The following LRRC4C variants were observed in gnomAD, a reference collection of about 807,000 sequenced individuals.
The protein encoded by LRRC4C is leucine rich repeat containing 4C, also known as leucine-rich repeat-containing protein 4C.
A neutral mutation model predicts 33.6 loss-of-function variants in LRRC4C; 5 were observed. That is an observed-to-expected ratio of 0.15 (90% CI 0.08 to 0.31). The LOEUF is 0.31. LRRC4C is among the 10% of genes least tolerant of loss of function. The pLI is 1.00. For synonymous variants in LRRC4C, 329 were observed against 302.0 expected, an observed-to-expected ratio of 1.09 and a Z score of -0.93; for missense variants, 560 against 796.7, an observed-to-expected ratio of 0.70 and a Z score of 3.58.
intron 1 of LRRC4C, among the ~76,000 whole-genome samples, chr11:41,254,386 T>A (rs534762582): frequency 6.6e-6 from 1 of 152,164 alleles, no homozygotes; most frequent in South Asian, 2.1e-4. Context: ...GAGAGAAACG[T>A]CTTCAAATTC....
chr11:40,362,490 C>A (rs1948002804), intron 3 of LRRC4C, among the ~76,000 whole-genome samples: 1 of 152,048 alleles, frequency 6.6e-6, no homozygotes. Context: ...GAGGCCAAGG[C>A]AGGTGGAACA....
At chr11:40,756,736 AT>A (rs879622919) in intron 2 of LRRC4C, among the ~76,000 whole-genome samples, 1 of 152,114 alleles carries the variant, frequency 6.6e-6, no homozygotes, top group Non-Finnish European at 1.5e-5. Flanking sequence ...TAAGCAATGC[AT>A]TTTCAAAACA....
intron 1 of LRRC4C, among the ~76,000 whole-genome samples, chr11:41,144,454 T>C (rs1474531627): frequency 6.6e-6 from 1 of 152,204 alleles, no homozygotes; most frequent in Non-Finnish European, 1.5e-5. Context: ...CTTAAAAACA[T>C]ACAAACATGT....
chr11:41,170,070 T>G (rs1372672383), intron 1 of LRRC4C, among the ~76,000 whole-genome samples: 1 of 152,128 alleles, frequency 6.6e-6, no homozygotes, highest in Non-Finnish European at 1.5e-5. Context: ...TCAAGCACTC[T>G]CATAACTTCA....
chr11:40,494,043 G>C (rs1402078308), intron 3 of LRRC4C, among the ~76,000 whole-genome samples: 1 of 151,980 alleles, frequency 6.6e-6, no homozygotes, highest in Non-Finnish European at 1.5e-5. Flanking sequence ...GCTAAGCCAC[G>C]GTGGCTTAGC....
chr11:40,432,574 T>A (rs1950977853), intron 3 of LRRC4C, among the ~76,000 whole-genome samples: 1 of 152,196 alleles, frequency 6.6e-6, no homozygotes, highest in African/African-American at 2.4e-5. Context: ...GCAGGCACTG[T>A]CCAAGGGCTG....
chr11:40,820,431 T>C (rs1387297799), intron 2 of LRRC4C, among the ~76,000 whole-genome samples: 3 of 151,690 alleles, frequency 2.0e-5, no homozygotes, highest in Non-Finnish European at 2.9e-5. Flanking sequence ...GAAAGAAAAA[T>C]CAGGAAATCT....
chr11:40,976,395 A>T (rs1331334074), intron 1 of LRRC4C, among the ~76,000 whole-genome samples: 2 of 152,214 alleles, frequency 1.3e-5, no homozygotes, highest in Non-Finnish European at 2.9e-5. Flanking sequence ...AAACAAGACC[A>T]TGGCTTGAGG....
intron 3 of LRRC4C, among the ~76,000 whole-genome samples, chr11:40,423,326 A>AGTTGTTCAT (rs1950588392): frequency 6.8e-6 from 1 of 147,530 alleles, no homozygotes; most frequent in African/African-American, 2.5e-5. Context: ...AAAGGAAGTC[A>AGTTGTTCAT]GTTGTTCATG....
At chr11:40,556,213 A>G (rs564216764) in intron 3 of LRRC4C, among the ~76,000 whole-genome samples, 2 of 152,236 alleles carry the variant, frequency 1.3e-5, no homozygotes, top group Admixed American at 6.5e-5. Flanking sequence ...GTTCTTTCGC[A>G]TAAGTAGTAT....
intron 3 of LRRC4C, among the ~76,000 whole-genome samples, chr11:40,599,182 C>T (rs1238132623): frequency 6.6e-6 from 1 of 152,058 alleles, no homozygotes; most frequent in East Asian, 1.9e-4. Flanking sequence ...GGCATGGTGA[C>T]TCATGTCTGT....
chr11:40,176,882 T>C (rs1394415335), intron 5 of LRRC4C, among the ~76,000 whole-genome samples: 1 of 151,680 alleles, frequency 6.6e-6, no homozygotes, highest in African/African-American at 2.4e-5. Context: ...ACTTATAATT[T>C]ATTATTTAAT....
chr11:40,672,196 T>C (rs868499762), intron 2 of LRRC4C, among the ~76,000 whole-genome samples: 1 of 152,178 alleles, frequency 6.6e-6, no homozygotes, highest in Non-Finnish European at 1.5e-5. Flanking sequence ...GCCAGATTTC[T>C]AGGTGTGTTT....
chr11:40,868,056 G>T (rs193268410), intron 2 of LRRC4C, among the ~76,000 whole-genome samples: 35 of 152,070 alleles, frequency 2.3e-4, no homozygotes, highest in African/African-American at 8.5e-4. Flanking sequence ...TTTTATACAC[G>T]TAGTACTTAG....
chr11:41,029,701 T>C (rs1856595515), intron 1 of LRRC4C, among the ~76,000 whole-genome samples: 1 of 151,810 alleles, frequency 6.6e-6, no homozygotes, highest in Non-Finnish European at 1.5e-5. Context: ...ACCTGGAGAT[T>C]AGAAGATAAA....
chr11:40,406,703 A>AT (rs953086817), intron 3 of LRRC4C, among the ~76,000 whole-genome samples: 9 of 152,080 alleles, frequency 5.9e-5, no homozygotes, highest in African/African-American at 1.7e-4. Flanking sequence ...CAATACAACA[A>AT]TTTTTTTTCT....
intron 3 of LRRC4C, among the ~76,000 whole-genome samples, chr11:40,512,157 C>T (rs1188455702): frequency 2.6e-5 from 4 of 152,122 alleles, no homozygotes; most frequent in African/African-American, 9.7e-5. Context: ...TTTTATTATG[C>T]ATCTTATTTT....
chr11:40,434,838 G>A (rs995822808), intron 3 of LRRC4C, among the ~76,000 whole-genome samples: 1 of 152,094 alleles, frequency 6.6e-6, no homozygotes, highest in Non-Finnish European at 1.5e-5. Context: ...TTTTGCCTGA[G>A]TTTTAAGGAT....
chr11:41,110,014 C>A (rs1396653097), intron 1 of LRRC4C, among the ~76,000 whole-genome samples: 2 of 152,016 alleles, frequency 1.3e-5, no homozygotes, highest in African/African-American at 4.8e-5. Flanking sequence ...TGGGGAAATT[C>A]CTGGTTAATA....
Sources: allele counts gnomAD v4.1 joint callset (sites outside exome capture counted in the v4.1 genomes callset), GRCh38; gene constraint gnomAD v4.1.1; transcripts MANE v1.5; gene names NCBI Gene and HGNC (gene_info 2026-07-23, HGNC 2026-07-21).